The following ATP2B1 variants were observed in gnomAD, a reference collection of about 807,000 sequenced individuals.
ATP2B1 encodes the protein ATPase plasma membrane Ca2+ transporting 1.
ATP2B1 carries 14 observed loss-of-function variants against 124.2 expected under a neutral mutation model. That is an observed-to-expected ratio of 0.11 (90% confidence interval 0.07 to 0.18). The LOEUF (loss-of-function observed/expected upper bound fraction) is 0.18, where lower values mean the gene tolerates loss of function less well. ATP2B1 is among the 10% of genes least tolerant of loss of function. The pLI is 1.00. For synonymous variants in ATP2B1, 449 were observed against 492.4 expected (o/e 0.91, Z 1.17); for missense variants, 763 against 1,466.1 (o/e 0.52, Z 7.83).
At chr12:89,663,338 G>T (rs1340958122) in intron 1 of ATP2B1, among the ~76,000 whole-genome samples, 1 of 152,100 alleles carries the variant, frequency 6.6e-6, no homozygotes, top group African/African-American at 2.4e-5. Flanking sequence ...GGAATTACAC[G>T]CCTGCTACAT....
intron 3 of ATP2B1, among the ~76,000 whole-genome samples, chr12:89,638,954 T>C (rs1230843847): frequency 6.6e-6 from 1 of 152,152 alleles, no homozygotes; most frequent in Non-Finnish European, 1.5e-5. Context: ...CCTCAATACT[T>C]GAAGAGTTTA....
At chr12:89,626,257 C>G (rs186288373) in intron 8 of ATP2B1, among the ~76,000 whole-genome samples, 197 bp downstream of exon 8, 1 of 152,162 alleles carries the variant, frequency 6.6e-6, no homozygotes, top group Non-Finnish European at 1.5e-5. Context: ...AATCCTAACC[C>G]GACCACTTAT....
intron 1 of ATP2B1, among the ~76,000 whole-genome samples, chr12:89,673,609 CA>C (rs1888251905): frequency 6.6e-6 from 1 of 152,164 alleles, no homozygotes; most frequent in African/African-American, 2.4e-5. Flanking sequence ...TAAAAGACAA[CA>C]AATACGACAT....
intron 19 of ATP2B1, among the ~76,000 whole-genome samples, chr12:89,601,069 T>C (rs1875737538): frequency 6.6e-6 from 1 of 152,080 alleles, no homozygotes; most frequent in South Asian, 2.1e-4. Flanking sequence ...TAAAAACCGC[T>C]ACAAAACTTC....
chr12:89,590,814 G>C lies in ATP2B1; in HGVS notation c.*170C>G. On this transcript the variant is annotated 3_prime_UTR_variant, in exon 21 of 21. Transcript: ENST00000428670. ...CCCAAAAAGCACCCTCAGTCTGGCA[G>C]AAAGCTTTGCTTTTTTTTTTTTAAA... is the stretch of plus-strand genomic sequence containing the variant. 2 of 757,130 alleles carry C rather than the reference G, an allele frequency of 2.6e-6. No homozygotes were observed. The highest frequency in any genetic ancestry group is 4.1e-6 in the Non-Finnish European group (2 of 491,228). 46.9% of individuals were successfully genotyped at this position (757,130 alleles called of 1,614,324 possible).
chr12:89,696,688 T>G (rs1446862695), intron 1 of ATP2B1, among the ~76,000 whole-genome samples: 1 of 152,198 alleles, frequency 6.6e-6, no homozygotes, highest in African/African-American at 2.4e-5. Flanking sequence ...AGTGTTACAT[T>G]TCTAACTGGT....
At chr12:89,656,243 T>C (rs1191104304) in intron 1 of ATP2B1, 136 bp from the exon 2 acceptor site, 5 of 389,214 alleles carry the variant, frequency 1.3e-5, no homozygotes, top group African/African-American at 1.0e-4. Flanking sequence ...TCCAGTCTTG[T>C]GCTTTTAAAG....
At chr12:89,702,139 C>G (rs1188611519) in intron 1 of ATP2B1, among the ~76,000 whole-genome samples, 2 of 152,130 alleles carry the variant, frequency 1.3e-5, no homozygotes, top group African/African-American at 2.4e-5. Flanking sequence ...AGATTCAGCC[C>G]TTATTAGCAC....
chr12:89,627,942 T>C (rs895467397), intron 6 of ATP2B1, among the ~76,000 whole-genome samples: 1 of 152,204 alleles, frequency 6.6e-6, no homozygotes, highest in Non-Finnish European at 1.5e-5. Context: ...ATTTGTTTTA[T>C]TTTTCCATAG....
intron 1 of ATP2B1, among the ~76,000 whole-genome samples, chr12:89,677,830 T>C (rs1375363962): frequency 6.6e-6 from 1 of 151,496 alleles, no homozygotes; most frequent in Non-Finnish European, 1.5e-5. Context: ...AAGGAAAGCA[T>C]AAAAGACAAG....
At chr12:89,639,053 T>C (rs1010422557) in intron 3 of ATP2B1, among the ~76,000 whole-genome samples, 159 of 152,324 alleles carry the variant, frequency 1.0e-3, no homozygotes, top group African/African-American at 3.7e-3. Context: ...GGCTATAGCA[T>C]ATATTTTCAC....
chr12:89,691,429 A>G (rs1047514411), intron 1 of ATP2B1, among the ~76,000 whole-genome samples: 6 of 152,246 alleles, frequency 3.9e-5, no homozygotes, highest in Admixed American at 1.3e-4. Flanking sequence ...AAAAACACTT[A>G]TTTATTCACC....
At chr12:89,595,386 G>A (rs1874383615) in intron 20 of ATP2B1, among the ~76,000 whole-genome samples, 1 of 151,812 alleles carries the variant, frequency 6.6e-6, no homozygotes, top group South Asian at 2.1e-4. Context: ...GGTAAAAACT[G>A]GTGTTAGAAT....
chr12:89,607,870 CG>C (rs1877228889), intron 15 of ATP2B1, among the ~76,000 whole-genome samples: 1 of 152,056 alleles, frequency 6.6e-6, no homozygotes, highest in Admixed American at 6.6e-5. Context: ...GTTGATTCTG[CG>C]GATGCAGAAT....
intron 1 of ATP2B1, among the ~76,000 whole-genome samples, chr12:89,658,468 T>C (rs554621743): frequency 2.0e-5 from 3 of 152,348 alleles, no homozygotes; most frequent in African/African-American, 4.8e-5. Flanking sequence ...GGTTCAATAC[T>C]AGAGCGTTGT....
At chr12:89,632,322 G>T (rs893789773) in intron 5 of ATP2B1, among the ~76,000 whole-genome samples, 1 of 152,086 alleles carries the variant, frequency 6.6e-6, no homozygotes, top group African/African-American at 2.4e-5. Flanking sequence ...TCCATATTTG[G>T]CTATTAATTA....
intron 19 of ATP2B1, among the ~76,000 whole-genome samples, chr12:89,599,511 T>A (rs1460996784): frequency 6.6e-6 from 1 of 152,172 alleles, no homozygotes; most frequent in Non-Finnish European, 1.5e-5. Context: ...GATAAAAAGT[T>A]TTCCTAAATG....
At chr12:89,627,249 T>A (rs1768442042) in intron 7 of ATP2B1, among the ~76,000 whole-genome samples, 1 of 152,118 alleles carries the variant, frequency 6.6e-6, no homozygotes, top group East Asian at 1.9e-4. Context: ...AACTGTTTCA[T>A]GCACAAAATT....
intron 2 of ATP2B1, among the ~76,000 whole-genome samples, chr12:89,654,257 CA>C: frequency 6.6e-6 from 1 of 152,264 alleles, no homozygotes; most frequent in South Asian, 2.1e-4. Context: ...CCAATTTTGT[CA>C]AATTACTGTC....
Sources: gnomAD v4.1 joint callset for allele counts (sites outside exome capture counted in the v4.1 genomes callset) on GRCh38, gnomAD v4.1.1 for gene constraint, MANE v1.5 for transcripts, NCBI Gene and HGNC (gene_info 2026-07-23, HGNC 2026-07-21) for gene names.